HYDIN: variants seen among roughly 807,000 people sequenced by gnomAD.
The protein encoded by HYDIN is HYDIN axonemal central pair apparatus protein, also known as axonemal central pair apparatus protein HYDIN.
HYDIN carries 132 observed loss-of-function variants against 403.9 expected under a neutral mutation model. The ratio of observed to expected loss-of-function variants is 0.33; its 90% CI spans 0.28 to 0.38. The LOEUF is 0.38. Ranked by LOEUF, HYDIN falls within the 10% of genes least tolerant of loss-of-function variation. The pLI is 1.00. For missense variants in HYDIN, 2,827 were observed against 5,009.5 expected (o/e 0.56, Z 13.15); for synonymous variants, 1,202 against 1,891.7 (o/e 0.64, Z 9.46).
chr16:70,910,216 T>A (rs2076658053), intron 47 of HYDIN, among the ~76,000 whole-genome samples: 1 of 152,214 alleles, frequency 6.6e-6, no homozygotes, highest in African/African-American at 2.4e-5. Flanking sequence ...ACCCTATTTG[T>A]AGTCTTTTAT....
intron 40 of HYDIN, among the ~76,000 whole-genome samples, chr16:70,955,103 C>T (rs2078191432): frequency 6.6e-6 from 1 of 152,236 alleles, no homozygotes; most frequent in Non-Finnish European, 1.5e-5. Flanking sequence ...GCTTCCCCCA[C>T]CAGGTGTCAG....
At chr16:71,210,520 G>C (rs2088528283) in intron 1 of HYDIN, among the ~76,000 whole-genome samples, 1 of 151,998 alleles carries the variant, frequency 6.6e-6, no homozygotes, top group African/African-American at 2.4e-5. Flanking sequence ...GAGGGTGGGA[G>C]GAGTGAGAGG....
intron 85 of HYDIN, among the ~76,000 whole-genome samples, 196 bp downstream of exon 85, chr16:70,809,587 C>A: frequency 6.6e-6 from 1 of 152,294 alleles, no homozygotes; most frequent in Middle Eastern, 3.4e-3. Flanking sequence ...AATGGAAGAA[C>A]CCAGGCCTGG....
chr16:71,226,587 A>C (rs1451615880), intron 1 of HYDIN, among the ~76,000 whole-genome samples: 2 of 152,222 alleles, frequency 1.3e-5, no homozygotes, highest in Non-Finnish European at 2.9e-5. Context: ...ACTTCATCAA[A>C]ACTTTTGACT....
At chr16:71,215,277 A>AGGAAGGAGGGAG (rs2088821769) in intron 1 of HYDIN, among the ~76,000 whole-genome samples, 1 of 151,978 alleles carries the variant, frequency 6.6e-6, no homozygotes, top group African/African-American at 2.4e-5. Flanking sequence ...AGGAGGGGGA[A>AGGAAGGAGGGAG]GGAAGGAGGG....
At chr16:70,918,019 G>T (rs1421880996) in intron 47 of HYDIN, among the ~76,000 whole-genome samples, 192 bp downstream of exon 47, 1 of 150,766 alleles carries the variant, frequency 6.6e-6, no homozygotes, top group Non-Finnish European at 1.5e-5. Flanking sequence ...ACAAGTCAGA[G>T]CCAGGGAAGG....
chr16:70,936,302 C>T (rs1414489814), intron 44 of HYDIN, among the ~76,000 whole-genome samples, 188 bp from the exon 45 acceptor site: 1 of 140,582 alleles, frequency 7.1e-6, no homozygotes, highest in Non-Finnish European at 1.6e-5. Context: ...AAAATGACTA[C>T]CATCTATGTT....
In HYDIN at chr16:70,892,497, G is replaced by C; in HGVS notation, c.9281C>G (p.Pro3094Arg). 1 of 1,603,820 alleles carries C rather than the reference G, an allele frequency of 6.2e-7. No individual in the cohort carries two copies. Among genetic ancestry groups the C allele is most frequent in the Non-Finnish European group, 8.5e-7 (1 of 1,176,086 alleles). The change falls in exon 56 of 86, where the codon CCT (proline) becomes CGT (arginine). Residue 3094 changes from proline (P) to arginine (R), a missense_variant. Pro to Arg is a moderately radical substitution (Grantham distance 103). Transcript: ENST00000393567. Reference protein sequence around the residue: ...FSVDSVGISTPNINSMISVQP... With the variant: ...FSVDSVGISTRNINSMISVQP... The stretch of plus-strand genomic sequence containing the variant: ...GACTGAGATCATGGAATTTATATTA[G>C]GTGTTGAAATCCCTACAGAGTCCAC...
At chr16:71,187,254 A>G (rs2144670168) in intron 1 of HYDIN, among the ~76,000 whole-genome samples, 1 of 152,312 alleles carries the variant, frequency 6.6e-6, no homozygotes, top group Non-Finnish European at 1.5e-5. Context: ...TAGTTTGATA[A>G]TTTATCTACA....
At chr16:71,214,736 C>G (rs2088787026) in intron 1 of HYDIN, among the ~76,000 whole-genome samples, 1 of 152,188 alleles carries the variant, frequency 6.6e-6, no homozygotes, top group African/African-American at 2.4e-5. Context: ...GAGGTACATC[C>G]TATAAGGCTC....
intron 12 of HYDIN, among the ~76,000 whole-genome samples, chr16:71,085,453 A>G (rs1478110113): frequency 2.1e-5 from 3 of 145,730 alleles, no homozygotes; most frequent in Non-Finnish European, 4.5e-5. Flanking sequence ...TGTTGGGTAG[A>G]GTGTGCTGTA....
intron 75 of HYDIN, among the ~76,000 whole-genome samples, chr16:70,842,501 T>A (rs1473797107): frequency 2.6e-5 from 4 of 152,168 alleles, no homozygotes; most frequent in Non-Finnish European, 5.9e-5. Flanking sequence ...GAATAGTTTT[T>A]GTCTGTAAGT....
chr16:71,227,258 A>G lies in HYDIN; in HGVS notation c.-24+3304T>C, dbSNP rs368263025. On this transcript the variant is annotated intron_variant, in intron 1 of 85. Coordinates refer to ENST00000393567, the MANE Select transcript of HYDIN (RefSeq NM_001270974.2). ...TTCACCAAAGATATAATAACAAGTA[A>G]GCATGTTATTCAACATCATTAATCA... Among the ~76,000 whole-genome samples, 16 of 152,270 alleles carry G rather than the reference A, an allele frequency of 1.1e-4. No homozygotes were observed. The East Asian group carries it at 2.7e-3, about 26-fold the overall frequency.
At chr16:71,065,368 G>C (rs1251585217) in intron 15 of HYDIN, among the ~76,000 whole-genome samples, 40 of 152,128 alleles carry the variant, frequency 2.6e-4, no homozygotes, top group African/African-American at 9.4e-4. Flanking sequence ...ACTGTGACGG[G>C]GTTGTCACTG....
intron 23 of HYDIN, among the ~76,000 whole-genome samples, chr16:71,010,184 GC>G (rs374152039): frequency 6.0e-5 from 9 of 149,464 alleles, no homozygotes; most frequent in African/African-American, 1.5e-4. Context: ...TGACCTTTTT[GC>G]CCCCTCCTCA....
rs188818220 is a variant in HYDIN at position 70,804,894 on chromosome 16, G to T, written c.*2686C>A. Among the ~76,000 whole-genome samples, 29 of 152,356 alleles carry T rather than the reference G, an allele frequency of 1.9e-4. No homozygotes were observed. The highest frequency in any genetic ancestry group is 4.4e-5 in the Non-Finnish European group (3 of 68,040). ...GGGGAAGCACTGGAACAGGTCTGAA[G>T]TTGGGGGAGTTGCCCCTAGCCACCC... On this transcript the variant is annotated 3_prime_UTR_variant, in exon 86 of 86. Coordinates refer to ENST00000393567, the MANE Select transcript of HYDIN (RefSeq NM_001270974.2).
At chr16:71,181,580 T>A (rs2086907043) in intron 3 of HYDIN, among the ~76,000 whole-genome samples, 1 of 152,134 alleles carries the variant, frequency 6.6e-6, no homozygotes. Context: ...TTCTGGCTAA[T>A]TGAATTTCTG....
chr16:71,002,245 CTTGT>C (rs1450421740), intron 23 of HYDIN, among the ~76,000 whole-genome samples: 1 of 152,146 alleles, frequency 6.6e-6, no homozygotes, highest in Non-Finnish European at 1.5e-5. Context: ...CTTTTTGTAT[CTTGT>C]TTAAGAAATT....
chr16:70,802,336 C>G lies in HYDIN; in HGVS notation c.*5244G>C, dbSNP rs570946828. On this transcript the variant is annotated 3_prime_UTR_variant, in exon 86 of 86. Coordinates refer to ENST00000393567, the MANE Select transcript of HYDIN (RefSeq NM_001270974.2). ...CTCACATGATTATATTATGTAATATCGCAGAAGAGATTTTGCAGATGTAAT... is the reference window on the plus strand; with the variant it reads ...CTCACATGATTATATTATGTAATATGGCAGAAGAGATTTTGCAGATGTAAT... 6.6e-6 allele frequency: 1 copy of G among 152,076 alleles called. No individual in the cohort carries two copies. Among genetic ancestry groups the G allele is most frequent in the Admixed American group, 6.5e-5 (1 of 15,274 alleles). The allele number at this position is 152,076 out of a possible 1,614,324, so 9.4% of individuals were successfully genotyped here.
Sources: gnomAD v4.1 joint callset for allele counts (sites outside exome capture counted in the v4.1 genomes callset) on GRCh38, gnomAD v4.1.1 for gene constraint, MANE v1.5 for transcripts, NCBI Gene and HGNC (gene_info 2026-07-23, HGNC 2026-07-21) for gene names.